KANK1: variants seen among roughly 807,000 people sequenced by gnomAD.
KANK1 encodes KN motif and ankyrin repeat domain-containing protein 1.
In KANK1, 109 loss-of-function variants were observed where a neutral mutation model predicts 106.2. The ratio of observed to expected loss-of-function variants is 1.03; its 90% confidence interval spans 0.88 to 1.20. The LOEUF (loss-of-function observed/expected upper bound fraction) is 1.20. Ranked by LOEUF, KANK1 falls within the 50% of genes most tolerant of loss-of-function variation. The probability of loss-of-function intolerance (pLI) is 0.00; values close to 1 mark genes in which losing one functional copy is unlikely to be tolerated. For missense variants in KANK1, 2,399 were observed against 1,710.7 expected, an observed-to-expected ratio of 1.40 and a Z score of -7.10; for synonymous variants, 873 against 652.2, an observed-to-expected ratio of 1.34 and a Z score of -5.16.
chr9:689,179 T>C (rs975178907), intron 2 of KANK1, among the ~76,000 whole-genome samples: 1 of 152,126 alleles, frequency 6.6e-6, no homozygotes, highest in Non-Finnish European at 1.5e-5. Context: ...GTGACAAAGG[T>C]AATAACCATG....
intron 2 of KANK1, among the ~76,000 whole-genome samples, chr9:681,410 T>C (rs1588872395): frequency 6.6e-6 from 1 of 152,148 alleles, no homozygotes; most frequent in Non-Finnish European, 1.5e-5. Context: ...GTCTGCTTTT[T>C]CCCCAAGTTT....
intron 1 of KANK1, among the ~76,000 whole-genome samples, chr9:641,705 C>G (rs547367895): frequency 2.6e-5 from 4 of 152,298 alleles, no homozygotes; most frequent in Non-Finnish European, 4.4e-5. Flanking sequence ...ACATCTTACT[C>G]TCTTGCCATT....
intron 1 of KANK1, chr9:539,450 C>T (rs1208102152): frequency 6.6e-6 from 1 of 152,116 alleles, no homozygotes; most frequent in Non-Finnish European, 1.5e-5. Flanking sequence ...TTTCAGCATA[C>T]AGATCTTTCA....
intron 1 of KANK1, among the ~76,000 whole-genome samples, chr9:587,482 A>G (rs1044249522): frequency 2.0e-5 from 3 of 152,202 alleles, no homozygotes; most frequent in Non-Finnish European, 1.5e-5. Context: ...GAGATACTCA[A>G]TTTATTGCAG....
rs553492774 is a variant in KANK1, at chr9:632,313, A to T, written c.-83-44577A>T. 2.6e-5 allele frequency among the ~76,000 whole-genome samples: 4 copies of T among 152,308 alleles called. No individual in the cohort carries two copies. In the South Asian group the frequency reaches 8.3e-4, roughly 32 times the overall value. On this transcript the variant is annotated intron_variant, in intron 1 of 11. Transcript: ENST00000382297. The stretch of plus-strand genomic sequence containing the variant: ...GATGATACATCTACAGCATGTAATT[A>T]TTTGTCTCAATAATTGAGCTTTACC...
At chr9:646,384 A>T (rs1839675584) in intron 1 of KANK1, among the ~76,000 whole-genome samples, 1 of 150,878 alleles carries the variant, frequency 6.6e-6, no homozygotes, top group Non-Finnish European at 1.5e-5. Context: ...TTGTAGTAAA[A>T]ATGTAGGTTA....
At chr9:624,963 C>T (rs773760044) in intron 1 of KANK1, among the ~76,000 whole-genome samples, 4 of 152,212 alleles carry the variant, frequency 2.6e-5, no homozygotes, top group African/African-American at 4.8e-5. Flanking sequence ...ATGCCCTGAG[C>T]AAGCTATTTA....
In KANK1 at chr9:632,112, T is replaced by A. The variant is rs193234503; in HGVS notation, c.-83-44778T>A. Among the ~76,000 whole-genome samples the A allele has an allele frequency of 2.8e-3, 431 of 152,328 alleles. 1 individual carries two copies. Among genetic ancestry groups the A allele is most frequent in the African/African-American group, 0.01 (416 of 41,554 alleles). The stretch of plus-strand genomic sequence containing the variant: ...AAGGCAATGAAAAGGAAATAACATT[T>A]GACCTTCAATTTAAGTTTGACTAGG... On this transcript the variant is annotated intron_variant, in intron 1 of 11. Transcript: ENST00000382297.
intron 1 of KANK1, among the ~76,000 whole-genome samples, chr9:674,777 C>T (rs1816038072): frequency 6.6e-6 from 1 of 152,166 alleles, no homozygotes; most frequent in Non-Finnish European, 1.5e-5. Context: ...AATCTCAGCT[C>T]ACTGCAATCT....
intron 1 of KANK1, among the ~76,000 whole-genome samples, chr9:674,639 G>A (rs1202158702): frequency 6.6e-6 from 1 of 151,874 alleles, no homozygotes; most frequent in Non-Finnish European, 1.5e-5. Context: ...TTTTTGAATA[G>A]CATTTAAAAA....
intron 1 of KANK1, among the ~76,000 whole-genome samples, chr9:613,316 C>T (rs192290613): frequency 6.6e-5 from 10 of 150,986 alleles, no homozygotes; most frequent in African/African-American, 1.9e-4. Flanking sequence ...ATAGCAAGTA[C>T]AGCTGTAACA....
At chr9:506,340 G>C (rs1197029199) in intron 1 of KANK1, among the ~76,000 whole-genome samples, 1 of 152,168 alleles carries the variant, frequency 6.6e-6, no homozygotes, top group Non-Finnish European at 1.5e-5. Flanking sequence ...GCTGTCCTAT[G>C]GGGAGGTTAA....
chr9:732,655 C>A lies in KANK1; in HGVS notation c.3245+38C>A, dbSNP rs896916268. On this transcript the variant is annotated intron_variant, in intron 6 of 11. Coordinates refer to ENST00000382297, the MANE Select transcript of KANK1 (RefSeq NM_015158.5). ...CCCCTTCCCTCCCTTGCCCCTCCCA[C>A]ATTTAATGTACTTTGGCAATAGAGT... The A allele has an allele frequency of 5.6e-6, 9 of 1,599,566 alleles. No homozygotes were observed. The Admixed American group carries it at 6.7e-5, about 12-fold the overall frequency.
intron 3 of KANK1, among the ~76,000 whole-genome samples, chr9:723,570 A>G (rs1333644054): frequency 6.6e-6 from 1 of 151,766 alleles, no homozygotes; most frequent in African/African-American, 2.4e-5. Flanking sequence ...GGCTACAGTT[A>G]GCTATGATCA....
intron 1 of KANK1, among the ~76,000 whole-genome samples, chr9:573,280 A>AT (rs971599410): frequency 6.1e-4 from 92 of 151,694 alleles, no homozygotes; most frequent in African/African-American, 2.2e-3. Flanking sequence ...TATTATTATT[A>AT]TTTTTTTGAG....
At position 662,169 on chromosome 9, in the gene KANK1, A is replaced by G. The variant is rs767539155; in HGVS notation, c.-83-14721A>G. On this transcript the variant is annotated intron_variant, in intron 1 of 11. Coordinates refer to ENST00000382297, the MANE Select transcript of KANK1 (RefSeq NM_015158.5). ...GAAGTACAAACCACTGCTCAACAAAATAAAAGAGGACACAGACAAATGGAA... is the reference window on the plus strand; with the variant it reads ...GAAGTACAAACCACTGCTCAACAAAGTAAAAGAGGACACAGACAAATGGAA... Among the ~76,000 whole-genome samples the G allele has an allele frequency of 1.6e-4, 24 of 152,192 alleles. 1 individual carries two copies. The highest frequency in any genetic ancestry group is 2.9e-4 in the Non-Finnish European group (20 of 68,030).
At position 711,970 on chromosome 9, in the gene KANK1, G is replaced by T; in HGVS notation, c.1204G>T (p.Ala402Ser). 1 of 1,614,190 alleles carries T rather than the reference G, an allele frequency of 6.2e-7. No individual in the cohort carries two copies. The highest frequency in any genetic ancestry group is 8.5e-7 in the Non-Finnish European group (1 of 1,180,030). Residue 402 changes from alanine to serine, a missense_variant, in exon 3 of 12, where the codon GCT becomes TCT. Coordinates refer to ENST00000382297, the MANE Select transcript of KANK1 (RefSeq NM_015158.5). ...LRENGECRSV[A>S]VGAEENMNDI... Reference sequence around the variant, plus strand: ...GGAGAATGGAGAGTGCCGGTCTGTGGCTGTGGGTGCCGAGGAGAACATGAA... The same window carrying T: ...GGAGAATGGAGAGTGCCGGTCTGTGTCTGTGGGTGCCGAGGAGAACATGAA...
At position 587,765 on chromosome 9, in the gene KANK1, A is replaced by G. The variant is rs117640065; in HGVS notation, c.-84+83011A>G. On this transcript the variant is annotated intron_variant, in intron 1 of 11. Coordinates refer to ENST00000382297, the MANE Select transcript of KANK1 (RefSeq NM_015158.5). ...ATTATCCTCATTTACACACAGGACA[A>G]TTGAAGCTCAGAGAAATTAGCCAGG... 1.8e-3 allele frequency among the ~76,000 whole-genome samples: 270 copies of G among 152,238 alleles called. 1 individual carries two copies. The highest frequency in any genetic ancestry group is 2.8e-3 in the Non-Finnish European group (192 of 68,010).
chr9:731,722 A>G (rs1440936145), intron 5 of KANK1: 1 of 153,674 alleles, frequency 6.5e-6, no homozygotes. Context: ...ACAATTGATA[A>G]CCACATCACC....
Sources: allele counts gnomAD v4.1 joint callset (sites outside exome capture counted in the v4.1 genomes callset), GRCh38; gene constraint gnomAD v4.1.1; transcripts MANE v1.5; gene names NCBI Gene and HGNC (gene_info 2026-07-23, HGNC 2026-07-21).